DENND4C: variants seen among roughly 807,000 people sequenced by gnomAD.
The protein encoded by DENND4C is DENN domain containing 4C, also known as DENN domain-containing protein 4C.
DENND4C carries 108 observed loss-of-function variants against 203.0 expected under a neutral mutation model. The ratio of observed to expected loss-of-function variants is 0.53; its 90% CI spans 0.46 to 0.62. The LOEUF (loss-of-function observed/expected upper bound fraction) is 0.62. DENND4C is among the 20% of genes least tolerant of loss of function. The pLI is 0.00. For synonymous variants in DENND4C, 871 were observed against 792.4 expected, an observed-to-expected ratio of 1.10 and a Z score of -1.67; for missense variants, 2,481 against 2,301.2, an observed-to-expected ratio of 1.08 and a Z score of -1.60.
rs71335419 is a variant in DENND4C at position 19,328,649 on chromosome 9, GTCTGTCTGTCTATCTATCTA to G, written c.2253+491_2253+510del. On this transcript the variant is annotated intron_variant, in intron 16 of 32. Coordinates refer to ENST00000434457, the MANE Select transcript of DENND4C (RefSeq NM_001330640.2). ...TATATATGTGTCTGTCTGTCTGTCT[GTCTGTCTGTCTATCTATCTA>G]TCTATCTATCTATCTATCTATCTAT... is the stretch of plus-strand genomic sequence containing the variant. Among the ~76,000 whole-genome samples, 839 of 140,072 alleles carry G rather than the reference GTCTGTCTGTCTATCTATCTA, an allele frequency of 6.0e-3. 9 individuals carry two copies. Among genetic ancestry groups the G allele is most frequent in the African/African-American group, 7.0e-3 (244 of 34,616 alleles). 91.9% of individuals were successfully genotyped at this position (140,072 alleles called of 152,430 possible).
intron 1 of DENND4C, among the ~76,000 whole-genome samples, chr9:19,261,610 T>A (rs1214952864): frequency 6.6e-6 from 1 of 151,854 alleles, no homozygotes; most frequent in African/African-American, 2.4e-5. Context: ...TCAAGAGATC[T>A]TCTCGCCTCA....
intron 12 of DENND4C, among the ~76,000 whole-genome samples, chr9:19,317,815 G>GA (rs982043243): frequency 3.3e-5 from 5 of 151,670 alleles, no homozygotes; most frequent in Non-Finnish European, 5.9e-5. Context: ...TAAGAGTTCA[G>GA]AAAAAAAAGG....
intron 1 of DENND4C, among the ~76,000 whole-genome samples, chr9:19,243,324 CCTT>C (rs1201004982): frequency 1.3e-5 from 2 of 152,166 alleles, no homozygotes; most frequent in Non-Finnish European, 2.9e-5. Context: ...ATGTATCACT[CCTT>C]CATTCCTTTT....
chr9:19,341,219 A>G, intron 21 of DENND4C, 105 bp downstream of exon 21: 1 of 968,124 alleles, frequency 1.0e-6, no homozygotes, highest in Non-Finnish European at 1.4e-6. Context: ...TCACAAATGT[A>G]AGGTCTGGCT....
intron 5 of DENND4C, 140 bp downstream of exon 5, chr9:19,291,016 T>G (rs1232420577): frequency 2.4e-6 from 2 of 819,156 alleles, no homozygotes; most frequent in African/African-American, 1.7e-5. Flanking sequence ...ATCCCCAAGG[T>G]GAGAAATCAA....
intron 8 of DENND4C, 128 bp downstream of exon 8, chr9:19,299,415 C>T (rs1588872297): frequency 4.8e-6 from 3 of 625,714 alleles, no homozygotes; most frequent in Non-Finnish European, 7.3e-6. Context: ...TTAGTTAAAA[C>T]TAGGCAAAAA....
At chr9:19,336,190 TACAC>T (rs200215026) in intron 18 of DENND4C, 76 bp from the exon 19 acceptor site, 10 of 1,204,618 alleles carry the variant, frequency 8.3e-6, no homozygotes, top group East Asian at 5.2e-5. Context: ...TATATAAACA[TACAC>T]ACACACATAT....
chr9:19,256,837 G>A (rs902298170), intron 1 of DENND4C, among the ~76,000 whole-genome samples: 23 of 152,040 alleles, frequency 1.5e-4, no homozygotes, highest in Non-Finnish European at 2.9e-4. Context: ...TTGGGAGGCC[G>A]AGGCAGGTGG....
chr9:19,337,697 A>G (rs1820787512), intron 20 of DENND4C: 2 of 1,278,682 alleles, frequency 1.6e-6, no homozygotes, highest in Non-Finnish European at 2.0e-6. Context: ...ATTAGGTTAA[A>G]TTTTGCTGAC....
chr9:19,314,725 C>G (rs781394744), intron 10 of DENND4C, among the ~76,000 whole-genome samples: 22 of 152,080 alleles, frequency 1.4e-4, no homozygotes, highest in Non-Finnish European at 3.1e-4. Context: ...AAAATCATTT[C>G]ATTAATAAAG....
At chr9:19,279,110 C>T (rs940948634) in intron 2 of DENND4C, among the ~76,000 whole-genome samples, 1 of 82,418 alleles carries the variant, frequency 1.2e-5, no homozygotes, top group African/African-American at 4.9e-5. Flanking sequence ...GCAAGCGGAT[C>T]ACAAGGTCAA....
chr9:19,275,514 AG>A (rs1445169691), intron 1 of DENND4C, among the ~76,000 whole-genome samples: 3 of 151,874 alleles, frequency 2.0e-5, no homozygotes. Flanking sequence ...TCTTTCACCC[AG>A]GCTGAGGTGA....
In DENND4C at chr9:19,271,260, C is replaced by G. The variant is rs7871585; in HGVS notation, c.-17-4898C>G. Among the ~76,000 whole-genome samples, 17 of 143,520 alleles carry G rather than the reference C, an allele frequency of 1.2e-4. No individual in the cohort carries two copies. The South Asian group carries it at 3.7e-3, about 31-fold the overall frequency. 94.2% of individuals were successfully genotyped at this position (143,520 alleles called of 152,430 possible). On this transcript the variant is annotated intron_variant, in intron 1 of 32. Transcript: ENST00000434457. ...TGCCACCCAGGTTGGAATGCAGTGG[C>G]GCAATCCTGGCTCACTGCAATCTCT...
chr9:19,315,677 T>C (rs1841703888), intron 10 of DENND4C, among the ~76,000 whole-genome samples: 1 of 151,248 alleles, frequency 6.6e-6, no homozygotes, highest in Admixed American at 6.6e-5. Flanking sequence ...AGTAATACCT[T>C]TAAAAATGGT....
chr9:19,232,909 C>T (rs752340304), intron 1 of DENND4C, among the ~76,000 whole-genome samples: 1 of 151,820 alleles, frequency 6.6e-6, no homozygotes, highest in Non-Finnish European at 1.5e-5. Context: ...CAGTTAAGAC[C>T]AAAACATCTC....
chr9:19,319,301 T>C (rs1305976552), intron 12 of DENND4C, among the ~76,000 whole-genome samples: 6 of 132,314 alleles, frequency 4.5e-5, no homozygotes, highest in African/African-American at 1.1e-4. Flanking sequence ...TGTATATATA[T>C]ACACATATAT....
rs1837390029 is a variant in DENND4C, at chr9:19,295,996, G to A, written c.802-12G>A. The A allele has an allele frequency of 6.4e-7, 1 of 1,567,768 alleles. No individual in the cohort carries two copies. The highest frequency in any genetic ancestry group is 8.7e-7 in the Non-Finnish European group (1 of 1,147,654). The stretch of plus-strand genomic sequence containing the variant: ...AACTCAAATCTTATAACAGAATTCT[G>A]TTACTCTTTAGGTATATGGAGCTGC... On this transcript the variant is annotated splice_polypyrimidine_tract_variant and intron_variant, in intron 5 of 32. Transcript: ENST00000434457.
chr9:19,241,128 G>T (rs956338688), intron 1 of DENND4C, among the ~76,000 whole-genome samples: 1 of 152,144 alleles, frequency 6.6e-6, no homozygotes, highest in East Asian at 1.9e-4. Context: ...GAATGAATGT[G>T]AAGGCCTAGG....
chr9:19,316,455 C>T lies in DENND4C; in HGVS notation c.1526C>T (p.Pro509Leu), dbSNP rs149605025. The T allele has an allele frequency of 1.9e-6, 3 of 1,613,602 alleles. No homozygotes were observed. The highest frequency in any genetic ancestry group is 1.7e-6 in the Non-Finnish European group (2 of 1,179,924). Residue 509 changes from proline (P) to leucine (L), a missense_variant, in exon 11 of 33, where the codon CCC (proline) becomes CTC (leucine). By Grantham distance (98) the Pro-to-Leu change is moderately conservative. Around this residue, in one of 3 missense-constraint regions of DENND4C, gnomAD observed 2,289 missense variants for 2,113.3 expected, o/e 1.08. Coordinates refer to ENST00000434457, the MANE Select transcript of DENND4C (RefSeq NM_001330640.2). ...EKKNMNWKQL[P>L]KKPCKNLLST... ...AAGAACATGAACTGGAAGCAACTTC[C>T]CAAAAAGCCGTGCAAAAATCTACTT...
Sources: allele counts gnomAD v4.1 joint callset (sites outside exome capture counted in the v4.1 genomes callset), GRCh38; gene constraint gnomAD v4.1.1; regional missense constraint gnomAD v4.1.1; transcripts MANE v1.5; gene names NCBI Gene and HGNC (gene_info 2026-07-23, HGNC 2026-07-21).